The following CLSTN2 variants were observed in gnomAD, a reference collection of about 807,000 sequenced individuals.
CLSTN2 encodes the protein calsyntenin-2.
CLSTN2 carries 48 observed loss-of-function variants against 101.2 expected under a neutral mutation model. The ratio of observed to expected loss-of-function variants is 0.47; its 90% confidence interval spans 0.38 to 0.60. The LOEUF is 0.60. CLSTN2 is among the 20% of genes least tolerant of loss of function. CLSTN2 has a pLI of 0.00. For missense variants in CLSTN2, 1,160 were observed against 1,238.2 expected (o/e 0.94, Z 0.95); for synonymous variants, 481 against 463.6 (o/e 1.04, Z -0.48).
chr3:140,455,635 G>A (rs956315465), intron 6 of CLSTN2, among the ~76,000 whole-genome samples: 1 of 152,150 alleles, frequency 6.6e-6, no homozygotes. Flanking sequence ...GGGCCCCAGG[G>A]ACCTTCACGG....
intron 5 of CLSTN2, among the ~76,000 whole-genome samples, chr3:140,445,217 G>A (rs1933049790): frequency 6.6e-6 from 1 of 152,148 alleles, no homozygotes; most frequent in Non-Finnish European, 1.5e-5. Context: ...AGAGGATGAA[G>A]ACCCTACAGG....
intron 1 of CLSTN2, among the ~76,000 whole-genome samples, chr3:140,070,298 T>C (rs1469433076): frequency 6.6e-6 from 1 of 152,226 alleles, no homozygotes; most frequent in African/African-American, 2.4e-5. Context: ...TTTTCACAAA[T>C]GTTGCATACA....
At chr3:140,374,820 A>G (rs988151152) in intron 2 of CLSTN2, among the ~76,000 whole-genome samples, 1 of 152,166 alleles carries the variant, frequency 6.6e-6, no homozygotes, top group Non-Finnish European at 1.5e-5. Context: ...ATATATCTCA[A>G]TTTTGCCTGA....
intron 1 of CLSTN2, among the ~76,000 whole-genome samples, chr3:140,126,181 G>A (rs2009426763): frequency 6.6e-6 from 1 of 152,132 alleles, no homozygotes; most frequent in African/African-American, 2.4e-5. Flanking sequence ...CTATGGGTAT[G>A]GAGAATCCAT....
chr3:140,257,341 A>G (rs1434315506), intron 2 of CLSTN2, among the ~76,000 whole-genome samples: 1 of 152,186 alleles, frequency 6.6e-6, no homozygotes, highest in Non-Finnish European at 1.5e-5. Flanking sequence ...GACATAAGCA[A>G]CAGTAACACA....
intron 1 of CLSTN2, among the ~76,000 whole-genome samples, chr3:140,147,655 G>T (rs2009800368): frequency 6.6e-6 from 1 of 151,916 alleles, no homozygotes; most frequent in African/African-American, 2.4e-5. Flanking sequence ...GTATAGGCAT[G>T]CTTCCAACAC....
At chr3:140,447,013 G>A (rs1399475831) in intron 5 of CLSTN2, among the ~76,000 whole-genome samples, 1 of 152,134 alleles carries the variant, frequency 6.6e-6, no homozygotes, top group African/African-American at 2.4e-5. Context: ...AAAGCCGTCT[G>A]GCTAGCCCCA....
intron 2 of CLSTN2, among the ~76,000 whole-genome samples, chr3:140,372,798 A>T (rs1409624560): frequency 6.6e-6 from 1 of 152,240 alleles, no homozygotes; most frequent in African/African-American, 2.4e-5. Flanking sequence ...AAATGAGTAT[A>T]CTAAAGGTTC....
intron 1 of CLSTN2, among the ~76,000 whole-genome samples, chr3:140,064,820 T>C (rs1041136154): frequency 6.6e-6 from 1 of 152,032 alleles, no homozygotes; most frequent in Non-Finnish European, 1.5e-5. Context: ...TTAGATATAA[T>C]TGAGAAAATA....
chr3:139,951,135 C>T (rs1488983394), intron 1 of CLSTN2, among the ~76,000 whole-genome samples: 2 of 152,116 alleles, frequency 1.3e-5, no homozygotes, highest in African/African-American at 2.4e-5. Flanking sequence ...AACTGTGGGG[C>T]TCTAGATGGT....
intron 5 of CLSTN2, among the ~76,000 whole-genome samples, chr3:140,430,365 A>G (rs1001854950): frequency 6.6e-6 from 1 of 152,242 alleles, no homozygotes; most frequent in Admixed American, 6.5e-5. Flanking sequence ...CTGTTTTTGT[A>G]AAACTGTGAA....
intron 7 of CLSTN2, among the ~76,000 whole-genome samples, chr3:140,466,378 T>TCTTTAAATA (rs1326496820): frequency 6.6e-6 from 1 of 152,186 alleles, no homozygotes; most frequent in Non-Finnish European, 1.5e-5. Flanking sequence ...AGTCCAGATG[T>TCTTTAAATA]CTTCTCAGCA....
chr3:140,170,182 G>A (rs1477926113), intron 1 of CLSTN2, among the ~76,000 whole-genome samples: 4 of 152,176 alleles, frequency 2.6e-5, no homozygotes, highest in Admixed American at 6.5e-5. Context: ...TGATCTGGAT[G>A]CAAATAATGT....
intron 7 of CLSTN2, among the ~76,000 whole-genome samples, chr3:140,465,300 A>G (rs73231212): frequency 0.051 from 7,741 of 152,280 alleles, 235 homozygotes; most frequent in East Asian, 0.12. Flanking sequence ...ATATGGCCGC[A>G]CAGCTCCAAG....
intron 1 of CLSTN2, among the ~76,000 whole-genome samples, chr3:140,045,221 C>G (rs1360061228): frequency 6.6e-6 from 1 of 152,096 alleles, no homozygotes; most frequent in South Asian, 2.1e-4. Context: ...TGTTATTGGT[C>G]TATTGAGGGA....
chr3:140,533,692 T>C (rs142451214), intron 9 of CLSTN2, among the ~76,000 whole-genome samples: 5,566 of 124,938 alleles, frequency 0.045, 374 homozygotes, highest in African/African-American at 0.16. Context: ...GCCTGGGCAA[T>C]GGAACGAGAC....
chr3:140,536,403 T>C (rs1445909310), intron 9 of CLSTN2, among the ~76,000 whole-genome samples: 2 of 152,074 alleles, frequency 1.3e-5, no homozygotes, highest in Non-Finnish European at 2.9e-5. Flanking sequence ...CTGTAGACAA[T>C]CTGCAAGACC....
chr3:140,142,904 G>A (rs2009724647), intron 1 of CLSTN2, among the ~76,000 whole-genome samples: 1 of 152,176 alleles, frequency 6.6e-6, no homozygotes, highest in African/African-American at 2.4e-5. Context: ...AGTGCACTGG[G>A]ATTTTGTAGA....
intron 5 of CLSTN2, among the ~76,000 whole-genome samples, chr3:140,426,268 T>C (rs1025051423): frequency 6.6e-6 from 1 of 152,186 alleles, no homozygotes; most frequent in African/African-American, 2.4e-5. Flanking sequence ...TTTATACTAA[T>C]GCTCTCCCTC....
Sources: gnomAD v4.1 joint callset for allele counts (sites outside exome capture counted in the v4.1 genomes callset) on GRCh38, gnomAD v4.1.1 for gene constraint, MANE v1.5 for transcripts, NCBI Gene and HGNC (gene_info 2026-07-23, HGNC 2026-07-21) for gene names.